The following DGKH variants were observed in gnomAD, a reference collection of about 807,000 sequenced individuals.
The protein encoded by DGKH is diacylglycerol kinase eta, also known as DAG kinase eta.
Under a neutral mutation model 159.3 loss-of-function variants are expected in DGKH, and 90 were observed. That is an observed-to-expected ratio of 0.57 (90% CI 0.48 to 0.67). The LOEUF is 0.67. Among genes scored for constraint, DGKH ranks in the 30% least tolerant of loss-of-function variants. DGKH has a pLI of 0.00. For synonymous variants in DGKH, 536 were observed against 553.8 expected (o/e 0.97, Z 0.45); for missense variants, 1,181 against 1,506.1 (o/e 0.78, Z 3.57).
intron 2 of DGKH, among the ~76,000 whole-genome samples, chr13:42,128,969 G>C (rs76241555): frequency 2.0e-5 from 3 of 152,244 alleles, no homozygotes; most frequent in South Asian, 2.1e-4. Context: ...GTGACTAAAA[G>C]TGGGAAGCCT....
At chr13:42,136,139 C>T (rs1378334395) in intron 3 of DGKH, among the ~76,000 whole-genome samples, 3 of 152,190 alleles carry the variant, frequency 2.0e-5, no homozygotes, top group Non-Finnish European at 4.4e-5. Flanking sequence ...TGTGATAATA[C>T]ACCACAATAC....
intron 1 of DGKH, among the ~76,000 whole-genome samples, chr13:42,099,801 T>C (rs1355764283): frequency 3.9e-5 from 6 of 152,044 alleles, no homozygotes; most frequent in Non-Finnish European, 7.4e-5. Context: ...GATGATGGAG[T>C]TGGGGACTTT....
intron 12 of DGKH, among the ~76,000 whole-genome samples, chr13:42,176,295 G>A (rs1468066602): frequency 6.6e-6 from 1 of 151,944 alleles, no homozygotes; most frequent in African/African-American, 2.4e-5. Flanking sequence ...CTACCCTGCA[G>A]GGAAGAAAAA....
intron 13 of DGKH, among the ~76,000 whole-genome samples, chr13:42,179,416 C>T (rs1426458195): frequency 6.6e-6 from 1 of 152,148 alleles, no homozygotes; most frequent in Non-Finnish European, 1.5e-5. Flanking sequence ...AAATTTAATT[C>T]TATCTAATTT....
chr13:42,101,494 A>G (rs1286671245), intron 1 of DGKH, among the ~76,000 whole-genome samples: 1 of 152,226 alleles, frequency 6.6e-6, no homozygotes, highest in Non-Finnish European at 1.5e-5. Context: ...CAATGGTTCC[A>G]TTTGGCTAGT....
At chr13:42,202,774 T>A (rs1339157831) in intron 20 of DGKH, among the ~76,000 whole-genome samples, 1 of 152,194 alleles carries the variant, frequency 6.6e-6, no homozygotes, top group African/African-American at 2.4e-5. Context: ...ATTTTGCTAC[T>A]TTTAGAGTAG....
intron 1 of DGKH, among the ~76,000 whole-genome samples, chr13:42,083,484 T>C (rs998762533): frequency 6.6e-6 from 1 of 152,192 alleles, no homozygotes; most frequent in East Asian, 1.9e-4. Flanking sequence ...CAAGTTTGGG[T>C]TATTTTACTA....
chr13:42,243,947 A>C (rs1958555575), downstream of DGKH, among the ~76,000 whole-genome samples: 1 of 152,130 alleles, frequency 6.6e-6, no homozygotes, highest in Non-Finnish European at 1.5e-5. Context: ...GAGAAATAGC[A>C]AGGGACTTCC....
intron 29 of DGKH, among the ~76,000 whole-genome samples, chr13:42,224,744 T>C (rs962265214): frequency 2.0e-5 from 3 of 152,076 alleles, no homozygotes; most frequent in Non-Finnish European, 4.4e-5. Context: ...TTCTATACTT[T>C]TTCTCACCTT....
At chr13:42,194,857 C>T in intron 16 of DGKH, 28 bp from the exon 17 acceptor site, 7 of 1,601,560 alleles carry the variant, frequency 4.4e-6, no homozygotes, top group Non-Finnish European at 6.0e-6. Context: ...ATCATTATCT[C>T]TTTTTAATCT....
intron 3 of DGKH, among the ~76,000 whole-genome samples, chr13:42,153,130 A>C (rs982590422): frequency 2.0e-5 from 3 of 152,202 alleles, no homozygotes; most frequent in Admixed American, 2.0e-4. Context: ...ACAAGTTTTT[A>C]TTGAAAAGGA....
At chr13:42,050,799 G>C (rs886486180) in intron 1 of DGKH, among the ~76,000 whole-genome samples, 1 of 152,302 alleles carries the variant, frequency 6.6e-6, no homozygotes, top group South Asian at 2.1e-4. Context: ...CAAGGCTGCA[G>C]TGAACTGAGA....
At chr13:42,164,506 G>T (rs1956266659) in intron 7 of DGKH, among the ~76,000 whole-genome samples, 1 of 152,144 alleles carries the variant, frequency 6.6e-6, no homozygotes, top group African/African-American at 2.4e-5. Flanking sequence ...GTTTAATTAT[G>T]CCAGTTTTCT....
intron 3 of DGKH, among the ~76,000 whole-genome samples, chr13:42,152,928 C>T (rs1046663293): frequency 1.3e-5 from 2 of 152,110 alleles, no homozygotes; most frequent in Non-Finnish European, 2.9e-5. Context: ...TCCAGCCCCA[C>T]GGTAGCATCT....
Position 42,070,766 on chromosome 13 carries a change from A to T in DGKH, c.192+21801A>T, listed in dbSNP as rs1882909722. The T allele has an allele frequency of 1.9e-6, 3 of 1,572,610 alleles. No homozygotes were observed. The East Asian group carries it at 6.7e-5, about 35-fold the overall frequency. On this transcript the variant is annotated intron_variant, in intron 1 of 29. Coordinates refer to ENST00000337343, the MANE Select transcript of DGKH (RefSeq NM_178009.5). ...ACTTTAGACAAGTCTGTCTTCATGTACTCCTGAACAATGTAAACACTGTTT... is the reference window on the plus strand; with the variant it reads ...ACTTTAGACAAGTCTGTCTTCATGTTCTCCTGAACAATGTAAACACTGTTT...
intron 5 of DGKH, among the ~76,000 whole-genome samples, chr13:42,156,152 A>G (rs1956039140): frequency 6.6e-6 from 1 of 152,250 alleles, no homozygotes; most frequent in Non-Finnish European, 1.5e-5. Context: ...TGTTTTAAAT[A>G]TTGTTTTCTT....
At chr13:42,087,084 C>CACACACACA (rs398038514) in intron 1 of DGKH, among the ~76,000 whole-genome samples, 5 of 145,418 alleles carry the variant, frequency 3.4e-5, no homozygotes, top group East Asian at 2.0e-4. Flanking sequence ...CACACACACA[C>CACACACACA]CTCAGAACAG....
chr13:42,168,464 C>G lies in DGKH; in HGVS notation c.1143C>G (p.Asp381Glu), dbSNP rs199820826. ...GTTTAAGATTATTTCAGAAGTTTGA[C>G]AATTTCCGGATTCTTGTTTGTGGAG... ...HLGLRLFQKF[D>E]NFRILVCGGD... is the part of the protein sequence containing the mutation. The change falls in exon 10 of 30, where the codon GAC becomes GAG. Residue 381 changes from aspartate to glutamate, a missense_variant. Coordinates refer to ENST00000337343, the MANE Select transcript of DGKH (RefSeq NM_178009.5). 2 of 1,614,014 alleles carry G rather than the reference C, an allele frequency of 1.2e-6. No homozygotes were observed. Among genetic ancestry groups the G allele is most frequent in the East Asian group, 4.5e-5 (2 of 44,872 alleles).
intron 1 of DGKH, among the ~76,000 whole-genome samples, chr13:42,049,645 C>T (rs1168248030): frequency 6.6e-6 from 1 of 152,208 alleles, no homozygotes; most frequent in Admixed American, 6.5e-5. Flanking sequence ...GCTTTCGTGT[C>T]GCAGGTTCCC....
Sources: allele counts gnomAD v4.1 joint callset (sites outside exome capture counted in the v4.1 genomes callset), GRCh38; gene constraint gnomAD v4.1.1; transcripts MANE v1.5; gene names NCBI Gene and HGNC (gene_info 2026-07-23, HGNC 2026-07-21).